The following PDE11A variants were observed in gnomAD, a reference collection of about 807,000 sequenced individuals.
PDE11A encodes dual 3',5'-cyclic-AMP and -GMP phosphodiesterase 11A.
Under a neutral mutation model 100.5 loss-of-function variants are expected in PDE11A, and 100 were observed. That is an observed-to-expected ratio of 1.00 (90% CI 0.85 to 1.18). The LOEUF is 1.18. Ranked by LOEUF, PDE11A falls within the 50% of genes most tolerant of loss-of-function variation. The probability of loss-of-function intolerance (pLI) is 0.00; values close to 1 mark genes in which losing one functional copy is unlikely to be tolerated. For synonymous variants in PDE11A, 381 were observed against 420.8 expected (o/e 0.91, Z 1.16); for missense variants, 1,141 against 1,152.6 (o/e 0.99, Z 0.15).
At chr2:177,631,291 C>CAAAAAAAAAAAAAAAAAAAAAA (rs869059416) in intron 19 of PDE11A, among the ~76,000 whole-genome samples, 1 of 11,872 alleles carries the variant, frequency 8.4e-5, no homozygotes, top group African/African-American at 2.2e-4. Flanking sequence ...ACTAAAAATG[C>CAAAAAAAAAAAAAAAAAAAAAA]AAAAAAAAAA....
chr2:177,940,163 G>T (rs1340963063), intron 2 of PDE11A, among the ~76,000 whole-genome samples: 1 of 151,972 alleles, frequency 6.6e-6, no homozygotes, highest in African/African-American at 2.4e-5. Flanking sequence ...TACAACTGGG[G>T]GATGGGTTTA....
At chr2:177,824,814 T>C (rs1020656144) in intron 6 of PDE11A, among the ~76,000 whole-genome samples, 17 of 152,188 alleles carry the variant, frequency 1.1e-4, no homozygotes, top group African/African-American at 3.9e-4. Flanking sequence ...GTTACTCATA[T>C]GGAAAATATT....
chr2:177,937,251 T>G (rs1294907255), intron 2 of PDE11A, among the ~76,000 whole-genome samples: 1 of 151,488 alleles, frequency 6.6e-6, no homozygotes, highest in Admixed American at 6.6e-5. Flanking sequence ...GTTATAAATG[T>G]CAACCCTGGG....
At chr2:177,778,768 T>C (rs1214392823) in intron 9 of PDE11A, among the ~76,000 whole-genome samples, 3 of 152,194 alleles carry the variant, frequency 2.0e-5, no homozygotes, top group African/African-American at 7.2e-5. Context: ...TTCAAAGACA[T>C]GGCAACTGAA....
chr2:177,942,826 T>C (rs935330394), intron 2 of PDE11A, among the ~76,000 whole-genome samples: 2 of 152,216 alleles, frequency 1.3e-5, no homozygotes, highest in Admixed American at 6.5e-5. Flanking sequence ...TTAGAACTTT[T>C]ATCTCTTGCA....
intron 19 of PDE11A, among the ~76,000 whole-genome samples, chr2:177,635,657 A>T (rs1447612727): frequency 6.6e-6 from 1 of 152,150 alleles, no homozygotes; most frequent in Non-Finnish European, 1.5e-5. Context: ...TATTTCCCAG[A>T]CACTCAGTTT....
chr2:177,694,237 A>T (rs771073326), intron 15 of PDE11A, among the ~76,000 whole-genome samples: 1 of 152,218 alleles, frequency 6.6e-6, no homozygotes, highest in Non-Finnish European at 1.5e-5. Context: ...AATCCCTAAC[A>T]GAGCTTGATA....
chr2:177,827,075 C>G (rs970765710), intron 6 of PDE11A, among the ~76,000 whole-genome samples: 2 of 152,180 alleles, frequency 1.3e-5, no homozygotes, highest in South Asian at 2.1e-4. Flanking sequence ...CGGGAGTGCT[C>G]CACCACAAAG....
intron 1 of PDE11A, among the ~76,000 whole-genome samples, chr2:178,062,336 GAAAAA>G (rs11333080): frequency 9.8e-6 from 1 of 101,680 alleles, no homozygotes. Flanking sequence ...CCTGAAGACA[GAAAAA>G]AAAAAAAAAA....
chr2:178,071,453 G>A, intron 1 of PDE11A, 73 bp downstream of exon 1: 2 of 1,596,112 alleles, frequency 1.3e-6, no homozygotes, highest in Non-Finnish European at 8.6e-7. Flanking sequence ...GTTCCTGGAT[G>A]CCAGATGATA....
At chr2:178,037,700 A>T (rs57705829) in intron 1 of PDE11A, among the ~76,000 whole-genome samples, 77,394 of 151,986 alleles carry the variant, frequency 0.51, 20,344 homozygotes, top group East Asian at 0.71. Flanking sequence ...CATAAAAAAG[A>T]ATGAATTCAT....
intron 2 of PDE11A, among the ~76,000 whole-genome samples, chr2:178,002,172 G>T (rs1366334246): frequency 8.5e-5 from 13 of 152,050 alleles, no homozygotes; most frequent in Admixed American, 7.2e-4. Context: ...TGCATTATTT[G>T]GTTTTCTGTT....
intron 10 of PDE11A, among the ~76,000 whole-genome samples, chr2:177,732,115 T>C (rs1411019539): frequency 1.3e-5 from 2 of 152,178 alleles, no homozygotes; most frequent in African/African-American, 4.8e-5. Flanking sequence ...GCCCTTTGTT[T>C]CTATGTGCAC....
At chr2:177,862,106 C>A (rs1249307366) in intron 5 of PDE11A, among the ~76,000 whole-genome samples, 1 of 151,782 alleles carries the variant, frequency 6.6e-6, no homozygotes, top group Admixed American at 6.6e-5. Flanking sequence ...TAGACACCAT[C>A]AAGAAAGTGA....
intron 10 of PDE11A, among the ~76,000 whole-genome samples, chr2:177,742,255 C>T (rs937455728): frequency 6.6e-6 from 1 of 151,870 alleles, no homozygotes; most frequent in Non-Finnish European, 1.5e-5. Context: ...CATGACTATC[C>T]TGTTTAGAAA....
At chr2:177,927,942 T>C (rs1291062988) in intron 2 of PDE11A, among the ~76,000 whole-genome samples, 1 of 151,804 alleles carries the variant, frequency 6.6e-6, no homozygotes, top group Non-Finnish European at 1.5e-5. Context: ...CCGTCTCTAC[T>C]AAAAATACAA....
At chr2:178,044,900 C>G (rs946152391) in intron 1 of PDE11A, among the ~76,000 whole-genome samples, 2 of 152,024 alleles carry the variant, frequency 1.3e-5, no homozygotes, top group Non-Finnish European at 2.9e-5. Flanking sequence ...TTTTTGATTG[C>G]TTCAGTAGGT....
At chr2:177,716,106 C>G (rs1489367325) in intron 12 of PDE11A, among the ~76,000 whole-genome samples, 1 of 152,226 alleles carries the variant, frequency 6.6e-6, no homozygotes, top group African/African-American at 2.4e-5. Flanking sequence ...AGGATGTAGG[C>G]TTTCACTTAA....
intron 5 of PDE11A, among the ~76,000 whole-genome samples, chr2:177,851,187 C>T (rs1184885332): frequency 6.6e-6 from 1 of 152,020 alleles, no homozygotes; most frequent in Non-Finnish European, 1.5e-5. Flanking sequence ...ACATATACAC[C>T]ATGGAATACT....
Sources: gnomAD v4.1 joint callset for allele counts (sites outside exome capture counted in the v4.1 genomes callset) on GRCh38, gnomAD v4.1.1 for gene constraint, MANE v1.5 for transcripts, NCBI Gene and HGNC (gene_info 2026-07-23, HGNC 2026-07-21) for gene names.